The following BCL2L10 variants were observed in gnomAD, a reference collection of about 807,000 sequenced individuals.
BCL2L10 encodes BCL2 like 10.
BCL2L10 carries 14 observed loss-of-function variants against 11.1 expected under a neutral mutation model. That is an observed-to-expected ratio of 1.26 (90% CI 0.83 to 1.96). The LOEUF is 1.96. Ranked by LOEUF, BCL2L10 falls within the 30% of genes most tolerant of loss-of-function variation. The pLI is 0.00. For synonymous variants in BCL2L10, 154 were observed against 133.4 expected, an observed-to-expected ratio of 1.15 and a Z score of -1.07; for missense variants, 309 against 273.9, an observed-to-expected ratio of 1.13 and a Z score of -0.90.
Position 52,112,703 on chromosome 15 carries a change from G to A in BCL2L10, c.24C>T (p.Arg8=), listed in dbSNP as rs1045905679. Residue 8 remains arginine, a synonymous_variant, in exon 1 of 2, where the codon CGC becomes CGT. Transcript: ENST00000260442. MVDQLRE[R]TTMADPLRER... is the part of the protein sequence containing the mutation. ...CCCGCAGCGGGTCGGCCATGGTGGT[G>A]CGCTCCCGCAACTGGTCAACCATGG... 2.6e-6 allele frequency: 4 copies of A among 1,537,074 alleles called. No homozygotes were observed. The highest frequency in any genetic ancestry group is 3.5e-6 in the Non-Finnish European group (4 of 1,147,704).
chr15:52,110,044 T>C, intron 1 of BCL2L10, 71 bp from the exon 2 acceptor site: 1 of 1,431,412 alleles, frequency 7.0e-7, no homozygotes, highest in Non-Finnish European at 9.5e-7. Context: ...ACGCAGGAAC[T>C]TCCAGATTAA....
chr15:52,111,233 G>C (rs28691169), intron 1 of BCL2L10, among the ~76,000 whole-genome samples: 20,468 of 135,536 alleles, frequency 0.15, 1,561 homozygotes, highest in East Asian at 0.23. Context: ...GCCAGGCTTG[G>C]TGGGGCGCGC....
At chr15:52,111,913 T>G (rs1039682673) in intron 1 of BCL2L10, among the ~76,000 whole-genome samples, 1 of 152,170 alleles carries the variant, frequency 6.6e-6, no homozygotes. Flanking sequence ...GAGCAAAACG[T>G]TCAGACCTAA....
intron 1 of BCL2L10, 94 bp downstream of exon 1, chr15:52,112,144 G>A: frequency 7.2e-7 from 1 of 1,397,658 alleles, no homozygotes; most frequent in Non-Finnish European, 9.2e-7. Context: ...TCGTTCCAGG[G>A]GCCTGGCGCG....
chr15:52,112,741 TG>T lies in BCL2L10; in HGVS notation c.-16del. 3 of 1,514,520 alleles carry T rather than the reference TG, an allele frequency of 2.0e-6. No individual in the cohort carries two copies. The highest frequency in any genetic ancestry group is 1.8e-6 in the Non-Finnish European group (2 of 1,137,782). The allele number at this position is 1,514,520 out of a possible 1,614,324, so 93.8% of individuals were successfully genotyped here. A position where few individuals can be genotyped will look rare whatever the true frequency, so the allele number is the denominator to read the frequency against. ...TGGTCAACCATGGTCCGGCCTCTGC[TG>T]GGGGGCCGGGCCTTCGCTGGTTTTC... On this transcript the variant is annotated 5_prime_UTR_variant, in exon 1 of 2. Coordinates refer to ENST00000260442, the MANE Select transcript of BCL2L10 (RefSeq NM_020396.4).
At chr15:52,111,688 G>T (rs1284870124) in intron 1 of BCL2L10, among the ~76,000 whole-genome samples, 1 of 152,086 alleles carries the variant, frequency 6.6e-6, no homozygotes, top group South Asian at 2.1e-4. Flanking sequence ...CGAGGACTGG[G>T]TGCAGAGGAC....
intron 1 of BCL2L10, 136 bp from the exon 2 acceptor site, chr15:52,110,109 T>C: frequency 1.2e-6 from 1 of 812,914 alleles, no homozygotes; most frequent in African/African-American, 1.7e-5. Context: ...TTCTGACCAA[T>C]ACACATCCAG....
chr15:52,110,409 G>C (rs2033036872), intron 1 of BCL2L10, among the ~76,000 whole-genome samples: 1 of 151,032 alleles, frequency 6.6e-6, no homozygotes, highest in East Asian at 2.0e-4. Context: ...AGACAAGGGT[G>C]AACTATGTTT....
Position 52,112,599 on chromosome 15 carries a change from G to T in BCL2L10, c.128C>A (p.Thr43Lys), listed in dbSNP as rs1321039931. 1 of 1,580,124 alleles carries T rather than the reference G, an allele frequency of 6.3e-7. No homozygotes were observed. Among genetic ancestry groups the T allele is most frequent in the East Asian group, 2.3e-5 (1 of 44,042 alleles). The part of the protein sequence containing the change: ...EPGTPEPAPS[T>K]PEAAVLRSAA... ...GGAGCGCAGCACGGCGGCCTCGGGC[G>T]TGGATGGCGCCGGCTCGGGGGTGCC... The change falls in exon 1 of 2, where the codon ACG becomes AAG. Residue 43 changes from threonine (T) to lysine (K), a missense_variant. By Grantham distance (78) the Thr-to-Lys change is moderately conservative. Coordinates refer to ENST00000260442, the MANE Select transcript of BCL2L10 (RefSeq NM_020396.4).
intron 1 of BCL2L10, 140 bp from the exon 2 acceptor site, chr15:52,110,113 C>T (rs2033031819): frequency 7.7e-6 from 6 of 782,144 alleles, no homozygotes; most frequent in Non-Finnish European, 1.0e-5. Context: ...GACCAATACA[C>T]ATCCAGTAAT....
Position 52,109,288 on chromosome 15 carries a change from A to G in BCL2L10, c.*560T>C, listed in dbSNP as rs1381756290. The stretch of plus-strand genomic sequence containing the variant: ...TTTTTTTTAAAGGTACAAATTTATT[A>G]AAACTTTGCAGTTAACAATTATTGA... On this transcript the variant is annotated 3_prime_UTR_variant, in exon 2 of 2. Coordinates refer to ENST00000260442, the MANE Select transcript of BCL2L10 (RefSeq NM_020396.4). 1 of 152,276 alleles carries G rather than the reference A, an allele frequency of 6.6e-6. No individual in the cohort carries two copies. The highest frequency in any genetic ancestry group is 1.5e-5 in the Non-Finnish European group (1 of 68,056). 9.4% of individuals were successfully genotyped at this position (152,276 alleles called of 1,614,324 possible).
chr15:52,109,982 G>T lies in BCL2L10; in HGVS notation c.490-9C>A, dbSNP rs771473120. 2.5e-6 allele frequency: 4 copies of T among 1,592,444 alleles called. No individual in the cohort carries two copies. The highest frequency in any genetic ancestry group is 2.6e-6 in the Non-Finnish European group (3 of 1,170,342). On this transcript the variant is annotated splice_polypyrimidine_tract_variant and intron_variant, in intron 1 of 1. Coordinates refer to ENST00000260442, the MANE Select transcript of BCL2L10 (RefSeq NM_020396.4). ...AAGTGACAAAAGCCATCCTACAGGG[G>T]GGAGAGAGAAAAGTTAGATTGCCTC...
rs185891313 is a variant in BCL2L10 at position 52,110,966 on chromosome 15, A to C, written c.490-993T>G. On this transcript the variant is annotated intron_variant, in intron 1 of 1. Transcript: ENST00000260442. ...TTGAAGACCAACACTAACATTATGA[A>C]CAAGGCAGGAGTTCCTGCTAACACA... Among the ~76,000 whole-genome samples, 276 of 152,124 alleles carry C rather than the reference A, an allele frequency of 1.8e-3. 4 individuals carry two copies. Among genetic ancestry groups the C allele is most frequent in the Admixed American group, 0.015 (226 of 15,268 alleles).
In BCL2L10 at chr15:52,109,590, G is replaced by A. The variant is rs1036299129; in HGVS notation, c.*258C>T. On this transcript the variant is annotated 3_prime_UTR_variant, in exon 2 of 2. Coordinates refer to ENST00000260442, the MANE Select transcript of BCL2L10 (RefSeq NM_020396.4). ...TTTAATGGAATGCAGTTTCTTCTGC[G>A]GTTCTTTGGCATAAAGAGGCTCTAG... 44 of 389,582 alleles carry A rather than the reference G, an allele frequency of 1.1e-4. No homozygotes were observed. Among genetic ancestry groups the A allele is most frequent in the Non-Finnish European group, 1.5e-4 (33 of 219,600 alleles). 24.1% of individuals were successfully genotyped at this position (389,582 alleles called of 1,614,324 possible).
rs1350007100 is a variant in BCL2L10, at chr15:52,112,567, C to A, written c.160G>T (p.Ala54Ser). The A allele has an allele frequency of 1.3e-6, 2 of 1,578,926 alleles. No individual in the cohort carries two copies. The highest frequency in any genetic ancestry group is 1.4e-5 in the African/African-American group (1 of 73,562). The change falls in exon 1 of 2, where the codon GCC becomes TCC. Residue 54 changes from alanine to serine, a missense_variant. Ala to Ser is a moderately conservative substitution (Grantham distance 99, BLOSUM62 1). Coordinates refer to ENST00000260442, the MANE Select transcript of BCL2L10 (RefSeq NM_020396.4). Reference protein sequence around the residue: ...PEAAVLRSAAARLRQIHRSFF... With the variant: ...PEAAVLRSAASRLRQIHRSFF... ...GACCGGTGAATCTGCCGTAACCTGG[C>A]GGCCGCGGAGCGCAGCACGGCGGCC...
chr15:52,111,813 C>CA (rs954972059), intron 1 of BCL2L10, among the ~76,000 whole-genome samples: 26 of 152,306 alleles, frequency 1.7e-4, no homozygotes, highest in African/African-American at 6.0e-4. Flanking sequence ...TGAGTCTCTC[C>CA]AAAGGCGCAT....
chr15:52,110,597 C>A (rs758467776), intron 1 of BCL2L10, among the ~76,000 whole-genome samples: 1 of 152,116 alleles, frequency 6.6e-6, no homozygotes, highest in Non-Finnish European at 1.5e-5. Context: ...CCGTGCTTGG[C>A]TAATTTTGTA....
At chr15:52,110,508 A>G (rs938116377) in intron 1 of BCL2L10, among the ~76,000 whole-genome samples, 8 of 151,966 alleles carry the variant, frequency 5.3e-5, no homozygotes, top group African/African-American at 1.9e-4. Flanking sequence ...ATCTCAACTC[A>G]CTGCAATCTC....
At chr15:52,110,174 G>A (rs930652926) in intron 1 of BCL2L10, among the ~76,000 whole-genome samples, 3 of 152,352 alleles carry the variant, frequency 2.0e-5, no homozygotes, top group African/African-American at 7.2e-5. Context: ...GTGAACAGAA[G>A]CAAGCATTTA....
Sources: gnomAD v4.1 joint callset for allele counts (sites outside exome capture counted in the v4.1 genomes callset) on GRCh38, gnomAD v4.1.1 for gene constraint, MANE v1.5 for transcripts, NCBI Gene and HGNC (gene_info 2026-07-23, HGNC 2026-07-21) for gene names.